Variants in MINDY2 observed in about 807,000 individuals in gnomAD.
The protein encoded by MINDY2 is ubiquitin carboxyl-terminal hydrolase MINDY-2.
Under a neutral mutation model 68.2 loss-of-function variants are expected in MINDY2, and 52 were observed. The observed-to-expected ratio is 0.76, with a 90% confidence interval of 0.61 to 0.96. The LOEUF (loss-of-function observed/expected upper bound fraction) is 0.96, where lower values mean the gene tolerates loss of function less well. Among genes scored for constraint, MINDY2 ranks in the 40% least tolerant of loss-of-function variants. The pLI, the probability that MINDY2 is intolerant of heterozygous loss-of-function variation, is 0.00. For synonymous variants in MINDY2, 372 were observed against 303.0 expected (o/e 1.23, Z -2.36); for missense variants, 881 against 773.4 (o/e 1.14, Z -1.65).
In MINDY2 at chr15:58,859,484, C is replaced by T. The variant is rs1655886326; in HGVS notation, c.*4874C>T. 1 of 152,156 alleles carries T rather than the reference C, an allele frequency of 6.6e-6. No individual in the cohort carries two copies. The highest frequency in any genetic ancestry group is 2.4e-5 in the African/African-American group (1 of 41,444). The allele number at this position is 152,156 out of a possible 1,614,324, so 9.4% of individuals were successfully genotyped here. On this transcript the variant is annotated 3_prime_UTR_variant, in exon 9 of 9. Coordinates refer to ENST00000559228, the MANE Select transcript of MINDY2 (RefSeq NM_001040450.3). The stretch of plus-strand genomic sequence containing the variant: ...GACTGAAAATGGTAAAGGAACTCAT[C>T]AGAATCTTAGCGTTCTTAAGTTCTC...
At chr15:58,813,151 T>G (rs908840101) in intron 4 of MINDY2, among the ~76,000 whole-genome samples, 53 of 152,272 alleles carry the variant, frequency 3.5e-4, no homozygotes, top group African/African-American at 1.2e-3. Flanking sequence ...CATTACTGAG[T>G]AGTATTTTGT....
In MINDY2 at chr15:58,818,039, A is replaced by G. The variant is rs572754102; in HGVS notation, c.1123-3678A>G. On this transcript the variant is annotated intron_variant, in intron 4 of 8. Coordinates refer to ENST00000559228, the MANE Select transcript of MINDY2 (RefSeq NM_001040450.3). ...GAGTAACCACATTATGGTATATTCT[A>G]TGGAATACTGTACTACAGTGAAAAC... is the stretch of plus-strand genomic sequence containing the variant. Among the ~76,000 whole-genome samples the G allele has an allele frequency of 8.4e-4, 128 of 152,366 alleles. 1 individual carries two copies. In the Middle Eastern group the frequency reaches 0.051, roughly 61 times the overall value.
chr15:58,798,591 G>A (rs908237184), intron 2 of MINDY2, among the ~76,000 whole-genome samples: 2 of 152,132 alleles, frequency 1.3e-5, no homozygotes, highest in Admixed American at 6.5e-5. Context: ...AAGTAGCTGG[G>A]ATTACAAGCG....
chr15:58,800,216 A>C (rs1405677672), intron 2 of MINDY2, among the ~76,000 whole-genome samples: 1 of 152,102 alleles, frequency 6.6e-6, no homozygotes, highest in Non-Finnish European at 1.5e-5. Context: ...GTTTATTTAG[A>C]ATATCCCATT....
At chr15:58,802,170 C>G in intron 2 of MINDY2, 143 bp from the exon 3 acceptor site, 1 of 610,140 alleles carries the variant, frequency 1.6e-6, no homozygotes, top group Non-Finnish European at 2.9e-6. Flanking sequence ...CATTGATTTT[C>G]TCTGGGTAGG....
intron 1 of MINDY2, among the ~76,000 whole-genome samples, chr15:58,785,058 C>G (rs1046274856): frequency 7.3e-6 from 1 of 136,926 alleles, no homozygotes; most frequent in Non-Finnish European, 1.5e-5. Flanking sequence ...TCTAAAAAGA[C>G]AAAGGAGTAC....
chr15:58,802,114 A>G (rs1181628843), intron 2 of MINDY2, among the ~76,000 whole-genome samples, 199 bp from the exon 3 acceptor site: 8 of 152,112 alleles, frequency 5.3e-5, no homozygotes, highest in Non-Finnish European at 2.9e-5. Flanking sequence ...TCAAAGCACT[A>G]TAGTATATAC....
chr15:58,803,488 A>G (rs1282418795), intron 3 of MINDY2, among the ~76,000 whole-genome samples: 1 of 150,650 alleles, frequency 6.6e-6, no homozygotes, highest in Non-Finnish European at 1.5e-5. Flanking sequence ...AAAAAAGAAG[A>G]AGAATCAACA....
At position 58,821,828 on chromosome 15, in the gene MINDY2, GTGC is replaced by G. The variant is rs1397982891; in HGVS notation, c.1225+14_1225+16del. 1 of 1,549,120 alleles carries G rather than the reference GTGC, an allele frequency of 6.5e-7. No homozygotes were observed. Among genetic ancestry groups the G allele is most frequent in the Non-Finnish European group, 8.7e-7 (1 of 1,143,320 alleles). Reference sequence around the variant, plus strand: ...TGAGCTGGTTAGTGAAGGTGGGTGAGTGCTGCTATTTCCTGACTTTTGAAATTC... The same window carrying G: ...TGAGCTGGTTAGTGAAGGTGGGTGAGTGCTATTTCCTGACTTTTGAAATTC... On this transcript the variant is annotated intron_variant, in intron 5 of 8. Coordinates refer to ENST00000559228, the MANE Select transcript of MINDY2 (RefSeq NM_001040450.3).
chr15:58,788,101 AT>A, intron 2 of MINDY2, 138 bp downstream of exon 2: 2 of 546,338 alleles, frequency 3.7e-6, no homozygotes, highest in Non-Finnish European at 6.3e-6. Context: ...CTAATTAAAA[AT>A]TTTTATCAGT....
chr15:58,815,969 C>T (rs1344235824), intron 4 of MINDY2, among the ~76,000 whole-genome samples: 6 of 152,196 alleles, frequency 3.9e-5, no homozygotes, highest in African/African-American at 1.2e-4. Context: ...TGAGCCACCA[C>T]GCCCAGCCAA....
intron 4 of MINDY2, among the ~76,000 whole-genome samples, chr15:58,817,228 A>G (rs562866577): frequency 6.6e-6 from 1 of 152,330 alleles, no homozygotes; most frequent in South Asian, 2.1e-4. Flanking sequence ...ATAAAGGATT[A>G]ATATTCAGAA....
intron 1 of MINDY2, among the ~76,000 whole-genome samples, chr15:58,786,198 A>G (rs1430410345): frequency 2.6e-5 from 4 of 152,250 alleles, no homozygotes; most frequent in Non-Finnish European, 5.9e-5. Flanking sequence ...TGACATTATT[A>G]CATTTGATAA....
chr15:58,851,189 G>T (rs2032793112), intron 7 of MINDY2, among the ~76,000 whole-genome samples: 1 of 151,722 alleles, frequency 6.6e-6, no homozygotes, highest in Admixed American at 6.6e-5. Flanking sequence ...GGCCAGGGTG[G>T]TCTCGAACTC....
rs761775293 is a variant in MINDY2 at position 58,857,750 on chromosome 15, T to C, written c.*3140T>C. 1 of 152,136 alleles carries C rather than the reference T, an allele frequency of 6.6e-6. No individual in the cohort carries two copies. Among genetic ancestry groups the C allele is most frequent in the Non-Finnish European group, 1.5e-5 (1 of 68,020 alleles). The allele number at this position is 152,136 out of a possible 1,614,324, so 9.4% of individuals were successfully genotyped here. On this transcript the variant is annotated 3_prime_UTR_variant, in exon 9 of 9. Coordinates refer to ENST00000559228, the MANE Select transcript of MINDY2 (RefSeq NM_001040450.3). ...AAGTTAGAACTTAAACATTTTTGTT[T>C]TTATCATTTATAGCCTAGATTAGGG...
intron 4 of MINDY2, among the ~76,000 whole-genome samples, chr15:58,813,629 G>A (rs1019047572): frequency 2.0e-5 from 3 of 152,062 alleles, no homozygotes; most frequent in Admixed American, 1.3e-4. Flanking sequence ...TAAGAGACAG[G>A]GTCTTGCTTT....
Position 58,854,583 on chromosome 15 carries a change from G to C in MINDY2, c.1839G>C (p.Lys613Asn), listed in dbSNP as rs1273045591. 1.2e-6 allele frequency: 2 copies of C among 1,611,094 alleles called. No individual in the cohort carries two copies. Among genetic ancestry groups the C allele is most frequent in the Non-Finnish European group, 1.7e-6 (2 of 1,179,618 alleles). ...EPREKDKEKE[K>N]EKNSCVIL ...GAGAAAAAGATAAAGAAAAAGAAAA[G>C]GAAAAAAATAGCTGTGTTATTTTGT... Residue 613 changes from lysine (K) to asparagine (N), a missense_variant, in exon 9 of 9, where the codon AAG becomes AAC. Coordinates refer to ENST00000559228, the MANE Select transcript of MINDY2 (RefSeq NM_001040450.3).
At chr15:58,844,651 C>T (rs915721992) in intron 6 of MINDY2, among the ~76,000 whole-genome samples, 32 of 151,220 alleles carry the variant, frequency 2.1e-4, no homozygotes, top group Non-Finnish European at 4.0e-4. Context: ...GGCGCGGTGG[C>T]TCATACCTGT....
chr15:58,791,215 T>TTATATATATATATATGTA (rs1901873801), intron 2 of MINDY2, among the ~76,000 whole-genome samples: 5 of 79,586 alleles, frequency 6.3e-5, no homozygotes, highest in Admixed American at 1.4e-4. Context: ...GAAAGCAATT[T>TTATATATATATATATGTA]TATATATATA....
Sources: gnomAD v4.1 joint callset for allele counts (sites outside exome capture counted in the v4.1 genomes callset) on GRCh38, gnomAD v4.1.1 for gene constraint, MANE v1.5 for transcripts, NCBI Gene and HGNC (gene_info 2026-07-23, HGNC 2026-07-21) for gene names.